The following CCDC74A variants were observed in gnomAD, a reference collection of about 807,000 sequenced individuals.
The protein encoded by CCDC74A is coiled-coil domain containing 74A, also known as coiled-coil domain-containing protein 74A.
CCDC74A carries 38 observed loss-of-function variants against 37.6 expected under a neutral mutation model. That is an observed-to-expected ratio of 1.01 (90% confidence interval 0.78 to 1.33). CCDC74A has a LOEUF of 1.33. CCDC74A is among the 40% of genes most tolerant of loss of function. CCDC74A has a pLI of 0.00. For missense variants in CCDC74A, 340 were observed against 403.4 expected (o/e 0.84, Z 1.35); for synonymous variants, 134 against 165.2 (o/e 0.81, Z 1.45).
upstream of CCDC74A, among the ~76,000 whole-genome samples, chr2:131,524,265 G>C (rs1315429860): frequency 6.6e-6 from 1 of 152,142 alleles, no homozygotes; most frequent in Non-Finnish European, 1.5e-5. Flanking sequence ...TTTATTTGGA[G>C]AGTAAGTATG....
upstream of CCDC74A, among the ~76,000 whole-genome samples, chr2:131,523,250 C>T (rs1321090836): frequency 2.6e-5 from 4 of 152,174 alleles, no homozygotes; most frequent in Non-Finnish European, 5.9e-5. Flanking sequence ...GCTAGCTTCC[C>T]TTGACTCCCG....
upstream of CCDC74A, among the ~76,000 whole-genome samples, chr2:131,523,941 T>G (rs1680213739): frequency 5.9e-5 from 9 of 151,962 alleles, no homozygotes; most frequent in Admixed American, 5.9e-4. Context: ...GGGGCTAGTC[T>G]AGAAAGTCCT....
upstream of CCDC74A, among the ~76,000 whole-genome samples, chr2:131,525,193 A>G (rs1461617352): frequency 1.3e-5 from 2 of 152,194 alleles, no homozygotes; most frequent in Non-Finnish European, 2.9e-5. Context: ...ATTATATTTT[A>G]TCTTAATTTA....
chr2:131,529,460 G>T (rs1055821827), intron 1 of CCDC74A, 187 bp from the exon 2 acceptor site: 5 of 777,446 alleles, frequency 6.4e-6, no homozygotes, highest in Non-Finnish European at 1.1e-5. Context: ...GAACAGGCAG[G>T]GCCATTCCTG....
Position 131,532,892 on chromosome 2 carries a change from G to A in CCDC74A, c.707G>A (p.Gly236Glu), listed in dbSNP as rs765299506. The stretch of plus-strand genomic sequence containing the variant: ...CGGCACCTCAAGTCCCTCCTGGAAG[G>A]GAGCCAGAGGCCCCAGGCAGCCCCG... ...ELRHLKSLLE[G>E]SQRPQAAPEE... The change falls in exon 6 of 8, where the codon GGG becomes GAG. Residue 236 changes from glycine (G) to glutamate (E), a missense_variant. Coordinates refer to ENST00000409856, the MANE Select transcript of CCDC74A (RefSeq NM_001258306.3). The A allele has an allele frequency of 8.7e-6, 14 of 1,613,566 alleles. No homozygotes were observed. The highest frequency in any genetic ancestry group is 5.0e-5 in the Admixed American group (3 of 60,018).
intron 1 of CCDC74A, 135 bp downstream of exon 1, chr2:131,528,355 G>A (rs1311338526): frequency 1.3e-6 from 2 of 1,545,920 alleles, no homozygotes; most frequent in Non-Finnish European, 1.7e-6. Context: ...CGGTAAGCCC[G>A]CCCTGCCACG....
chr2:131,526,380 C>A (rs933630605), upstream of CCDC74A, among the ~76,000 whole-genome samples: 17 of 152,126 alleles, frequency 1.1e-4, no homozygotes, highest in African/African-American at 3.9e-4. Flanking sequence ...CTCCTGACCT[C>A]AAATGATCTG....
intron 1 of CCDC74A, 100 bp downstream of exon 1, chr2:131,528,320 G>C (rs748743746): frequency 1.9e-6 from 3 of 1,551,386 alleles, no homozygotes; most frequent in Non-Finnish European, 2.6e-6. Context: ...TCCAGCACAC[G>C]CCTGGGCTCA....
Position 131,533,355 on chromosome 2 carries a change from T to A in CCDC74A, c.896T>A (p.Leu299Gln). ...KNNFAERQKRLQAMQKRRLHR... is the reference protein window; with the variant it reads ...KNNFAERQKRQQAMQKRRLHR... ...AACTTTGCCGAGAGGCAGAAGAGGC[T>A]GCAGGCAATGCAGAAACGGCGCCTG... is the stretch of plus-strand genomic sequence containing the variant. Residue 299 changes from leucine to glutamine, a missense_variant, in exon 8 of 8, where the codon CTG becomes CAG. This residue lies in a region of CCDC74A where 185 missense variants were observed against 231.5 expected (regional missense o/e 0.80). Coordinates refer to ENST00000409856, the MANE Select transcript of CCDC74A (RefSeq NM_001258306.3). 6.2e-7 allele frequency: 1 copy of A among 1,613,520 alleles called. No individual in the cohort carries two copies. The highest frequency in any genetic ancestry group is 8.5e-7 in the Non-Finnish European group (1 of 1,179,976).
chr2:131,527,008 A>G (rs1458541511), upstream of CCDC74A, among the ~76,000 whole-genome samples: 1 of 150,162 alleles, frequency 6.7e-6, no homozygotes, highest in Admixed American at 6.6e-5. Flanking sequence ...TATCTGGCAA[A>G]ATTATGATTG....
chr2:131,530,055 T>C (rs756919419), intron 2 of CCDC74A: 302 of 1,549,880 alleles, frequency 1.9e-4, no homozygotes, highest in Non-Finnish European at 2.3e-4. Context: ...GGCCCAGGAT[T>C]TCCAGCCCTA....
At position 131,532,867 on chromosome 2, in the gene CCDC74A, C is replaced by T. The variant is rs147150547; in HGVS notation, c.682C>T (p.Arg228Trp). 9.3e-6 allele frequency: 15 copies of T among 1,613,238 alleles called. No individual in the cohort carries two copies. The highest frequency in any genetic ancestry group is 4.5e-5 in the East Asian group (2 of 44,892). ...NTNLLQTQEL[R>W]HLKSLLEGSQ... Reference sequence around the variant, plus strand: ...TGCCCCTGCCCCTGCCTTTCAGCTGCGGCACCTCAAGTCCCTCCTGGAAGG... The same window carrying T: ...TGCCCCTGCCCCTGCCTTTCAGCTGTGGCACCTCAAGTCCCTCCTGGAAGG... Residue 228 changes from arginine (R) to tryptophan (W), a missense_variant, in exon 6 of 8, where the codon CGG (arginine) becomes TGG (tryptophan). Physicochemically the swap from Arg to Trp is moderately radical, Grantham distance 101. Coordinates refer to ENST00000409856, the MANE Select transcript of CCDC74A (RefSeq NM_001258306.3).
intron 1 of CCDC74A, 189 bp from the exon 2 acceptor site, chr2:131,529,458 A>T: frequency 1.3e-6 from 1 of 770,306 alleles, no homozygotes; most frequent in Non-Finnish European, 2.3e-6. Context: ...GGGAACAGGC[A>T]GGGCCATTCC....
chr2:131,522,982 C>A (rs1276513629), upstream of CCDC74A, among the ~76,000 whole-genome samples: 1 of 152,178 alleles, frequency 6.6e-6, no homozygotes, highest in Non-Finnish European at 1.5e-5. Context: ...CAGCTCACTG[C>A]AGCCTCTTAA....
intron 1 of CCDC74A, 81 bp downstream of exon 1, chr2:131,528,301 G>A (rs1680529669): frequency 6.4e-7 from 1 of 1,567,584 alleles, no homozygotes. Context: ...CAGAAACACA[G>A]CCATCAACTC....
Position 131,533,305 on chromosome 2 carries a change from C to G in CCDC74A, c.846C>G (p.Pro282=). The G allele has an allele frequency of 6.2e-7, 1 of 1,613,272 alleles. No individual in the cohort carries two copies. The highest frequency in any genetic ancestry group is 8.5e-7 in the Non-Finnish European group (1 of 1,179,936). The part of the protein sequence containing the change: ...SPPVAERAIL[P]ALKQTPKNNF... ...CTGTGGCGGAGCGTGCCATCCTGCC[C>G]GCACTGAAGCAGACCCCGAAGAACA... The change falls in exon 8 of 8, where the codon CCC becomes CCG. Residue 282 remains proline (P), a synonymous_variant. Coordinates refer to ENST00000409856, the MANE Select transcript of CCDC74A (RefSeq NM_001258306.3).
chr2:131,533,397 G>A lies in CCDC74A; in HGVS notation c.938G>A (p.Ter313=). Residue 313 remains the stop codon, a stop_retained_variant, in exon 8 of 8, where the codon TGA becomes TAA. Transcript: ENST00000409856. The part of the protein sequence containing the change: ...QKRRLHRSVL[*] ...CGGCGCCTGCATCGCTCAGTGCTTT[G>A]AGCCACCCCAATCTGGTCAGTGCCA... 1 of 1,613,460 alleles carries A rather than the reference G, an allele frequency of 6.2e-7. No individual in the cohort carries two copies. Among genetic ancestry groups the A allele is most frequent in the Non-Finnish European group, 8.5e-7 (1 of 1,179,978 alleles).
At chr2:131,530,507 G>A (rs1259730998) in intron 2 of CCDC74A, 3 of 1,576,944 alleles carry the variant, frequency 1.9e-6, no homozygotes, top group Admixed American at 1.9e-5. Context: ...GACGCTGACA[G>A]GACACGGGAA....
upstream of CCDC74A, chr2:131,527,848 C>A (rs1193099239): frequency 1.5e-5 from 21 of 1,378,398 alleles, no homozygotes; most frequent in Non-Finnish European, 2.0e-5. Context: ...ACAGGCCCCG[C>A]CCCCGCCAAC....
Sources: gnomAD v4.1 joint callset for allele counts (sites outside exome capture counted in the v4.1 genomes callset) on GRCh38, gnomAD v4.1.1 for gene constraint, gnomAD v4.1.1 regional missense constraint, MANE v1.5 for transcripts, NCBI Gene and HGNC (gene_info 2026-07-23, HGNC 2026-07-21) for gene names.